The following PML variants were observed in gnomAD, a reference collection of about 807,000 sequenced individuals.
PML encodes protein PML.
PML carries 28 observed loss-of-function variants against 65.2 expected under a neutral mutation model. The ratio of observed to expected loss-of-function variants is 0.43; its 90% CI spans 0.32 to 0.59. The LOEUF (loss-of-function observed/expected upper bound fraction) is 0.59. Among genes scored for constraint, PML ranks in the 20% least tolerant of loss-of-function variants. The pLI, the probability that PML is intolerant of heterozygous loss-of-function variation, is 0.08. For missense variants in PML, 1,021 were observed against 1,203.4 expected, an observed-to-expected ratio of 0.85 and a Z score of 2.24; for synonymous variants, 500 against 508.8, an observed-to-expected ratio of 0.98 and a Z score of 0.23.
chr15:74,008,868 T>C (rs188514936), intron 2 of PML, among the ~76,000 whole-genome samples: 25 of 152,326 alleles, frequency 1.6e-4, no homozygotes, highest in Middle Eastern at 3.4e-3. Context: ...CAGTATTTCT[T>C]TGGCTGCATA....
chr15:74,036,066 G>A, intron 7 of PML: 1 of 1,613,964 alleles, frequency 6.2e-7, no homozygotes, highest in South Asian at 1.1e-5. Flanking sequence ...ATTAATTCTT[G>A]GTTAAGGAAT....
chr15:74,041,798 A>G (rs1298914366), intron 7 of PML, among the ~76,000 whole-genome samples: 1 of 152,238 alleles, frequency 6.6e-6, no homozygotes, highest in Non-Finnish European at 1.5e-5. Context: ...GGCCAGGGAC[A>G]TTAGCCAGAG....
At chr15:74,007,673 C>T (rs2070128274) in intron 2 of PML, among the ~76,000 whole-genome samples, 1 of 151,308 alleles carries the variant, frequency 6.6e-6, no homozygotes. Flanking sequence ...GGTGTCTGCC[C>T]TGGGGTGGCT....
rs2071759955 is a variant in PML, at chr15:74,045,237, T to A, written c.*229T>A. ...ACCCTAGGTGTGCACCAGACTCCTA[T>A]TAGCCCCTCCTTCCAGGAGCTAGAA... On this transcript the variant is annotated 3_prime_UTR_variant, in exon 9 of 9. Transcript: ENST00000268058. 1.8e-6 allele frequency: 1 copy of A among 545,734 alleles called. No individual in the cohort carries two copies. The highest frequency in any genetic ancestry group is 3.0e-5 in the East Asian group (1 of 33,214). 33.8% of individuals were successfully genotyped at this position (545,734 alleles called of 1,614,324 possible).
At position 74,032,564 on chromosome 15, in the gene PML, C is replaced by T; in HGVS notation, c.1255-8C>T. 6.2e-7 allele frequency: 1 copy of T among 1,614,084 alleles called. No individual in the cohort carries two copies. Among genetic ancestry groups the T allele is most frequent in the Non-Finnish European group, 8.5e-7 (1 of 1,179,982 alleles). On this transcript the variant is annotated splice_polypyrimidine_tract_variant and splice_region_variant and intron_variant, in intron 4 of 8. Coordinates refer to ENST00000268058, the MANE Select transcript of PML (RefSeq NM_033238.3). ...GTCATTTCTGACTCAATTTTCCCAA[C>T]TTTGCAGCCCGAGGAGGCAGAGAGA...
At position 74,011,950 on chromosome 15, in the gene PML, T is replaced by G. The variant is rs1277431484; in HGVS notation, c.603-10878T>G. The stretch of plus-strand genomic sequence containing the variant: ...GCCCACAGCTAATGACTGCACTGAG[T>G]TGCAAAAAGAATTCTAAAAGTTGTT... On this transcript the variant is annotated intron_variant, in intron 2 of 8. Coordinates refer to ENST00000268058, the MANE Select transcript of PML (RefSeq NM_033238.3). 2.0e-5 allele frequency among the ~76,000 whole-genome samples: 3 copies of G among 152,140 alleles called. No individual in the cohort carries two copies. The East Asian group carries it at 5.8e-4, about 29-fold the overall frequency.
At position 74,038,271 on chromosome 15, in the gene PML, G is replaced by A. The variant is rs1048716592; in HGVS notation, c.1710+3741G>A. ...AGATGTCATGGAGAATCAAGTAGAG[G>A]GACCCCAGCAATATTGGGGGTGGGG... On this transcript the variant is annotated intron_variant, in intron 7 of 8. Coordinates refer to ENST00000268058, the MANE Select transcript of PML (RefSeq NM_033238.3). Among the ~76,000 whole-genome samples, 6 of 152,082 alleles carry A rather than the reference G, an allele frequency of 3.9e-5. No homozygotes were observed. In the South Asian group the frequency reaches 6.2e-4, roughly 16 times the overall value.
intron 2 of PML, among the ~76,000 whole-genome samples, chr15:74,003,397 A>G (rs1200685825): frequency 6.6e-6 from 1 of 152,106 alleles, no homozygotes. Context: ...GTGCCACTGC[A>G]CTCCAGCCTG....
chr15:74,031,687 A>T (rs62004894), intron 4 of PML, among the ~76,000 whole-genome samples: 23 of 152,208 alleles, frequency 1.5e-4, no homozygotes, highest in Non-Finnish European at 2.9e-4. Flanking sequence ...CACCTGGGGT[A>T]GAATTGCTAG....
rs201804134 is a variant in PML, at chr15:74,035,319, C to T, written c.1710+789C>T. Reference sequence around the variant, plus strand: ...CCTGCCCTGTGGCACATACCACCCCCCAGCTTGGCCTCCCCACCAGCCCGC... The same window carrying T: ...CCTGCCCTGTGGCACATACCACCCCTCAGCTTGGCCTCCCCACCAGCCCGC... On this transcript the variant is annotated intron_variant, in intron 7 of 8. Transcript: ENST00000268058. This position sits in a 1 kb window ranked among gnomAD's most constrained non-coding sequence, Gnocchi z 4.1. 12 of 1,612,798 alleles carry T rather than the reference C, an allele frequency of 7.4e-6. No individual in the cohort carries two copies. The highest frequency in any genetic ancestry group is 1.6e-4 in the Middle Eastern group (1 of 6,062).
At chr15:73,996,411 G>A (rs923147515) in intron 1 of PML, among the ~76,000 whole-genome samples, 1 of 152,218 alleles carries the variant, frequency 6.6e-6, no homozygotes, top group African/African-American at 2.4e-5. Flanking sequence ...GATGATTGAA[G>A]CCTGTATAAC....
At chr15:74,031,666 T>C (rs1030344912) in intron 4 of PML, among the ~76,000 whole-genome samples, 2 of 152,344 alleles carry the variant, frequency 1.3e-5, no homozygotes, top group African/African-American at 4.8e-5. Context: ...TTTTCCCTTC[T>C]TTTGGGTGCA....
intron 5 of PML, 92 bp downstream of exon 5, chr15:74,032,807 A>T: frequency 7.7e-7 from 1 of 1,300,130 alleles, no homozygotes; most frequent in Non-Finnish European, 1.1e-6. Flanking sequence ...CCAGGCCTTC[A>T]TCAGATCAGC....
chr15:74,042,732 C>T lies in PML; in HGVS notation c.1711-257C>T. ...ATTCCCACACATGCACGTTCACAAC[C>T]TGTGTGTGTCACCCTTCCTCCCCTA... On this transcript the variant is annotated intron_variant, in intron 7 of 8. Coordinates refer to ENST00000268058, the MANE Select transcript of PML (RefSeq NM_033238.3). The surrounding 1 kb of genome is among the most constrained non-coding windows in gnomAD (Gnocchi z 5.3). 2.0e-6 allele frequency: 2 copies of T among 985,430 alleles called. No homozygotes were observed. The highest frequency in any genetic ancestry group is 2.4e-6 in the Non-Finnish European group (2 of 829,922). The allele number at this position is 985,430 out of a possible 1,614,324, so 61.0% of individuals were successfully genotyped here. A position where few individuals can be genotyped will look rare whatever the true frequency, so the allele number is the denominator to read the frequency against.
In PML at chr15:74,045,348, C is replaced by A; in HGVS notation, c.*340C>A. 2.7e-6 allele frequency: 1 copy of A among 363,894 alleles called. No homozygotes were observed. Among genetic ancestry groups the A allele is most frequent in the Non-Finnish European group, 5.0e-6 (1 of 199,224 alleles). The allele number at this position is 363,894 out of a possible 1,614,324, so 22.5% of individuals were successfully genotyped here. On this transcript the variant is annotated 3_prime_UTR_variant, in exon 9 of 9. Transcript: ENST00000268058. ...GCCCCATCCATCCCACCTGCCACTA[C>A]CTTGGGTGTCCTTACAGCTCTGCCC...
intron 7 of PML, chr15:74,041,697 T>C (rs893814): frequency 0.93 from 141,610 of 152,344 alleles, 66,646 homozygotes; most frequent in East Asian, 1. Flanking sequence ...TACTTGTGGG[T>C]GGAAACGCTT....
Position 74,043,075 on chromosome 15 carries a change from C to A in PML, c.1797C>A (p.Asn599Lys). The A allele has an allele frequency of 6.2e-7, 1 of 1,613,388 alleles. No homozygotes were observed. Among genetic ancestry groups the A allele is most frequent in the Non-Finnish European group, 8.5e-7 (1 of 1,179,910 alleles). ...GPSTLRVLDE[N>K]LADPQAEDRP... Reference sequence around the variant, plus strand: ...GCACCCTCAGGGTCCTGGACGAGAACCTTGCTGACCCCCAAGCAGAAGACA... The same window carrying A: ...GCACCCTCAGGGTCCTGGACGAGAAACTTGCTGACCCCCAAGCAGAAGACA... The change falls in exon 8 of 9, where the codon AAC becomes AAA. Residue 599 changes from asparagine to lysine, a missense_variant. Asn to Lys is a moderately conservative substitution (Grantham distance 94, BLOSUM62 0). Coordinates refer to ENST00000268058, the MANE Select transcript of PML (RefSeq NM_033238.3). The surrounding 1 kb of genome is among the most constrained non-coding windows in gnomAD (Gnocchi z 4.3).
chr15:74,045,285 A>T lies in PML; in HGVS notation c.*277A>T. ...GAACCAGGGAGGTCCTGAGTGAGGA[A>T]GGCATGACCTCTGGGCTCTCTAGGT... On this transcript the variant is annotated 3_prime_UTR_variant, in exon 9 of 9. Transcript: ENST00000268058. 2.1e-6 allele frequency: 1 copy of T among 477,638 alleles called. No homozygotes were observed. Among genetic ancestry groups the T allele is most frequent in the Admixed American group, 3.7e-5 (1 of 26,792 alleles). The allele number at this position is 477,638 out of a possible 1,614,324, so 29.6% of individuals were successfully genotyped here. A position where few individuals can be genotyped will look rare whatever the true frequency, so the allele number is the denominator to read the frequency against.
chr15:74,022,835 T>A lies in PML; in HGVS notation c.610T>A (p.Cys204Ser). 6.2e-7 allele frequency: 1 copy of A among 1,613,870 alleles called. No homozygotes were observed. The highest frequency in any genetic ancestry group is 8.5e-7 in the Non-Finnish European group (1 of 1,179,962). ...HRTPTLTSIYCRGCSKPLCCS... is the reference protein window; with the variant it reads ...HRTPTLTSIYSRGCSKPLCCS... ...AACCTTGTGTGTCCACAGCATCTAC[T>A]GCCGAGGATGTTCCAAGCCGCTGTG... The change falls in exon 3 of 9, where the codon TGC (cysteine) becomes AGC (serine). Residue 204 changes from cysteine (C) to serine (S), a missense_variant. Coordinates refer to ENST00000268058, the MANE Select transcript of PML (RefSeq NM_033238.3).
Sources: gnomAD v4.1 joint callset for allele counts (sites outside exome capture counted in the v4.1 genomes callset) on GRCh38, gnomAD v4.1.1 for gene constraint, Gnocchi (gnomAD v3.1) non-coding constraint, MANE v1.5 for transcripts, NCBI Gene and HGNC (gene_info 2026-07-23, HGNC 2026-07-21) for gene names.